The following SND1 variants were observed in gnomAD, a reference collection of about 807,000 sequenced individuals.
The protein encoded by SND1 is staphylococcal nuclease and tudor domain containing 1.
In SND1, 38 loss-of-function variants were observed where a neutral mutation model predicts 121.7. The observed-to-expected ratio is 0.31, with a 90% CI of 0.24 to 0.41. SND1 has a LOEUF of 0.41. Ranked by LOEUF, SND1 falls within the 10% of genes least tolerant of loss-of-function variation. The probability of loss-of-function intolerance (pLI) is 1.00; values close to 1 mark genes in which losing one functional copy is unlikely to be tolerated. For synonymous variants in SND1, 401 were observed against 447.4 expected (o/e 0.90, Z 1.31); for missense variants, 868 against 1,184.6 (o/e 0.73, Z 3.92).
intron 13 of SND1, among the ~76,000 whole-genome samples, chr7:127,902,046 A>G (rs1800242719): frequency 6.6e-6 from 1 of 152,184 alleles, no homozygotes; most frequent in African/African-American, 2.4e-5. Context: ...GTTAAGTCCT[A>G]GATTTCTGCT....
intron 8 of SND1, 142 bp from the exon 9 acceptor site, chr7:127,707,415 C>G: frequency 1.7e-6 from 1 of 591,840 alleles, no homozygotes; most frequent in Non-Finnish European, 3.0e-6. Flanking sequence ...TACTCTCGCT[C>G]TTTGTTCTGG....
intron 10 of SND1, among the ~76,000 whole-genome samples, chr7:127,778,933 C>G (rs1342351996): frequency 6.6e-6 from 1 of 152,162 alleles, no homozygotes; most frequent in South Asian, 2.1e-4. Context: ...CCCCTTAGGT[C>G]TAAAAGACTT....
chr7:127,773,371 G>T (rs1174339926), intron 10 of SND1, among the ~76,000 whole-genome samples: 2 of 151,914 alleles, frequency 1.3e-5, no homozygotes, highest in Non-Finnish European at 2.9e-5. Flanking sequence ...GGAATCGCGT[G>T]AATCCGGGAG....
At position 127,652,219 on chromosome 7, in the gene SND1, GC is replaced by G; in HGVS notation, c.-154del. 1.4e-6 allele frequency: 1 copy of G among 700,214 alleles called. No homozygotes were observed. The highest frequency in any genetic ancestry group is 2.6e-6 in the Non-Finnish European group (1 of 382,870). The allele number at this position is 700,214 out of a possible 1,614,324, so 43.4% of individuals were successfully genotyped here. ...CTCTTTCGCTCCGTGTCCCGCTGCT[GC>G]TCCTGTGAGCGCCCGGCGAGTCCGT... On this transcript the variant is annotated 5_prime_UTR_variant, in exon 1 of 24. Transcript: ENST00000354725.
intron 11 of SND1, among the ~76,000 whole-genome samples, chr7:127,814,527 A>G (rs2116590391): frequency 6.6e-6 from 1 of 152,104 alleles, no homozygotes; most frequent in East Asian, 1.9e-4. Context: ...AAACCTGACT[A>G]TTGCTATCTT....
intron 14 of SND1, among the ~76,000 whole-genome samples, chr7:127,911,378 T>G (rs1180691373): frequency 6.6e-6 from 1 of 152,206 alleles, no homozygotes; most frequent in Non-Finnish European, 1.5e-5. Context: ...TTTAATTTTT[T>G]ATTTCAAAAA....
chr7:127,660,855 G>C (rs1037103499), intron 1 of SND1, among the ~76,000 whole-genome samples: 1 of 152,146 alleles, frequency 6.6e-6, no homozygotes, highest in Non-Finnish European at 1.5e-5. Flanking sequence ...TTCCTAAACA[G>C]GTCATCGCAT....
intron 2 of SND1, 119 bp from the exon 3 acceptor site, chr7:127,694,709 C>A: frequency 8.6e-7 from 1 of 1,157,898 alleles, no homozygotes; most frequent in Non-Finnish European, 1.2e-6. Flanking sequence ...CAAGGTCCAG[C>A]GCAGGGCCAG....
intron 11 of SND1, among the ~76,000 whole-genome samples, chr7:127,816,691 T>C: frequency 6.7e-6 from 1 of 149,136 alleles, no homozygotes; most frequent in South Asian, 2.1e-4. Flanking sequence ...TGTAACAGTG[T>C]CTCGCTCTGT....
intron 10 of SND1, among the ~76,000 whole-genome samples, chr7:127,735,338 C>T (rs1472859822): frequency 3.3e-5 from 5 of 152,162 alleles, no homozygotes; most frequent in Non-Finnish European, 2.9e-5. Flanking sequence ...TACTGTAACA[C>T]GTGCTTTCTT....
rs548659369 is a variant in SND1 at position 127,698,312 on chromosome 7, G to A, written c.350-563G>A. On this transcript the variant is annotated intron_variant, in intron 3 of 23. Transcript: ENST00000354725. ...GTGATAGCCAGCCCTAAATGAATCC[G>A]TCTCTCTGATCGTACACGGTGAAGG... Among the ~76,000 whole-genome samples, 16 of 152,200 alleles carry A rather than the reference G, an allele frequency of 1.1e-4. No individual in the cohort carries two copies. The South Asian group carries it at 2.1e-3, about 20-fold the overall frequency.
intron 1 of SND1, among the ~76,000 whole-genome samples, chr7:127,675,430 C>G (rs1391449453): frequency 2.0e-5 from 3 of 152,266 alleles, no homozygotes; most frequent in Non-Finnish European, 4.4e-5. Flanking sequence ...TCTGTTTTCT[C>G]TGACCTGTTA....
chr7:127,887,591 G>T (rs1458063288), intron 12 of SND1, among the ~76,000 whole-genome samples: 1 of 149,930 alleles, frequency 6.7e-6, no homozygotes, highest in Admixed American at 6.6e-5. Context: ...GCAGTGGCTT[G>T]TTTATAACAT....
intron 7 of SND1, among the ~76,000 whole-genome samples, chr7:127,703,969 A>G (rs1300105688): frequency 6.6e-6 from 1 of 152,216 alleles, no homozygotes; most frequent in Non-Finnish European, 1.5e-5. Context: ...CAGCTAGCTG[A>G]AGTATTGGTA....
chr7:127,773,208 C>A (rs745773884), intron 10 of SND1, among the ~76,000 whole-genome samples: 12 of 152,176 alleles, frequency 7.9e-5, no homozygotes, highest in Non-Finnish European at 1.8e-4. Flanking sequence ...AATCCCAGCA[C>A]TTTGGGAGGC....
chr7:127,658,431 A>G (rs1286351270), intron 1 of SND1, among the ~76,000 whole-genome samples: 1 of 152,232 alleles, frequency 6.6e-6, no homozygotes, highest in African/African-American at 2.4e-5. Flanking sequence ...TCCCAAAGTC[A>G]CTATTTTTCT....
chr7:128,053,281 A>AC (rs1424125569), intron 16 of SND1, among the ~76,000 whole-genome samples: 2 of 152,218 alleles, frequency 1.3e-5, no homozygotes, highest in Non-Finnish European at 2.9e-5. Flanking sequence ...TTTATCCCAT[A>AC]CAAGCATGTA....
chr7:127,856,441 G>A (rs1289486733), intron 12 of SND1, among the ~76,000 whole-genome samples: 3 of 152,200 alleles, frequency 2.0e-5, no homozygotes, highest in Non-Finnish European at 4.4e-5. Flanking sequence ...CTGCTGTGAT[G>A]CCTTAGTTAA....
intron 10 of SND1, among the ~76,000 whole-genome samples, chr7:127,769,530 C>T (rs1236239730): frequency 6.6e-6 from 1 of 152,102 alleles, no homozygotes; most frequent in African/African-American, 2.4e-5. Flanking sequence ...CTTTTTCTGA[C>T]AGTCCCTCCC....
Sources: allele counts gnomAD v4.1 joint callset (sites outside exome capture counted in the v4.1 genomes callset), GRCh38; gene constraint gnomAD v4.1.1; transcripts MANE v1.5; gene names NCBI Gene and HGNC (gene_info 2026-07-23, HGNC 2026-07-21).